Variants in XRCC2 observed in about 807,000 individuals in gnomAD.
XRCC2 encodes DNA repair protein XRCC2.
In XRCC2, 24 loss-of-function variants were observed where a neutral mutation model predicts 27.3. The observed-to-expected ratio is 0.88, with a 90% confidence interval of 0.64 to 1.24. The LOEUF is 1.24. Ranked by LOEUF, XRCC2 falls within the 50% of genes most tolerant of loss-of-function variation. The pLI is 0.00. For missense variants in XRCC2, 321 were observed against 325.8 expected, an observed-to-expected ratio of 0.99 and a Z score of 0.11; for synonymous variants, 106 against 115.4, an observed-to-expected ratio of 0.92 and a Z score of 0.52.
intron 2 of XRCC2, among the ~76,000 whole-genome samples, chr7:152,656,263 C>A (rs2098030671): frequency 1.3e-5 from 2 of 152,250 alleles, no homozygotes; most frequent in South Asian, 2.1e-4. Context: ...GTGGCTCACA[C>A]CTGTAATCCC....
intron 2 of XRCC2, among the ~76,000 whole-genome samples, chr7:152,651,654 C>T (rs2098028582): frequency 1.3e-5 from 2 of 151,968 alleles, no homozygotes; most frequent in African/African-American, 4.8e-5. Flanking sequence ...GTTGGGACTA[C>T]AGGCATGTGT....
intron 2 of XRCC2, among the ~76,000 whole-genome samples, chr7:152,655,810 A>AG (rs1386684460): frequency 1.4e-4 from 21 of 152,148 alleles, no homozygotes; most frequent in African/African-American, 4.8e-4. Context: ...CAGGAGTTCA[A>AG]GACCAGCCTG....
rs55771537 is a variant in XRCC2, at chr7:152,675,850, G to A, written c.39+191C>T. Reference sequence around the variant, plus strand: ...TCGGAGGACTCCAGGCTGCCCAGGGGCGGACCCCTGGGGCCCAGGTGAGAG... The same window carrying A: ...TCGGAGGACTCCAGGCTGCCCAGGGACGGACCCCTGGGGCCCAGGTGAGAG... On this transcript the variant is annotated intron_variant, in intron 1 of 2. Transcript: ENST00000359321. Among the ~76,000 whole-genome samples the A allele has an allele frequency of 3.8e-3, 579 of 152,180 alleles. 5 individuals are homozygous for A. Among genetic ancestry groups the A allele is most frequent in the African/African-American group, 0.013 (541 of 41,554 alleles).
At position 152,676,026 on chromosome 7, in the gene XRCC2, C is replaced by G. The variant is rs767382184; in HGVS notation, c.39+15G>C. 6 of 1,613,698 alleles carry G rather than the reference C, an allele frequency of 3.7e-6. No individual in the cohort carries two copies. Among genetic ancestry groups the G allele is most frequent in the Non-Finnish European group, 5.1e-6 (6 of 1,179,788 alleles). ...TTGTTCCCATCTCCCTCACTCCCAA[C>G]CCGGCGGCTCTCACCTCGGTCCCAG... On this transcript the variant is annotated intron_variant, in intron 1 of 2. Transcript: ENST00000359321.
intron 1 of XRCC2, chr7:152,663,845 C>CA (rs1554412049): frequency 9.3e-6 from 1 of 107,728 alleles, no homozygotes; most frequent in Non-Finnish European, 2.2e-5. Flanking sequence ...TCCCCCTGCC[C>CA]CCCCCCCCCA....
intron 1 of XRCC2, among the ~76,000 whole-genome samples, chr7:152,673,095 T>C (rs568184599): frequency 6.6e-6 from 1 of 152,318 alleles, no homozygotes; most frequent in East Asian, 1.9e-4. Context: ...TGTAGTCAAA[T>C]GCTTGTCTTT....
intron 2 of XRCC2, among the ~76,000 whole-genome samples, chr7:152,659,301 C>A (rs1157837858): frequency 6.6e-6 from 1 of 152,052 alleles, no homozygotes; most frequent in Non-Finnish European, 1.5e-5. Context: ...AATGATAAAA[C>A]TCAGGAGAGA....
intron 1 of XRCC2, among the ~76,000 whole-genome samples, chr7:152,669,394 T>G (rs1308265501): frequency 1.3e-5 from 2 of 152,072 alleles, no homozygotes; most frequent in Non-Finnish European, 2.9e-5. Flanking sequence ...AAAGAGATAA[T>G]GCTCAATTAT....
intron 1 of XRCC2, among the ~76,000 whole-genome samples, chr7:152,661,606 T>C (rs1201796732): frequency 6.6e-6 from 1 of 152,100 alleles, no homozygotes; most frequent in African/African-American, 2.4e-5. Flanking sequence ...AGGTTATAAA[T>C]AGCATTGTGC....
chr7:152,671,382 T>A (rs920869166), intron 1 of XRCC2, among the ~76,000 whole-genome samples: 19 of 152,030 alleles, frequency 1.2e-4, no homozygotes, highest in Non-Finnish European at 2.5e-4. Flanking sequence ...TTAATATGTA[T>A]CTCCTAAGCA....
rs777085483 is a variant in XRCC2 at position 152,660,770 on chromosome 7, G to A, written c.52C>T (p.Leu18Phe). ...TCTTTCAAGGAACTTCTACCTTCAA[G>A]TCGGGCAAGGAGCTTATAAAAGAAG... Reference protein sequence around the residue: ...AESGTELLARLEGRSSLKEIE... With the variant: ...AESGTELLARFEGRSSLKEIE... Residue 18 changes from leucine to phenylalanine, a missense_variant, in exon 2 of 3, where the codon CTT becomes TTT. Transcript: ENST00000359321. 2.5e-6 allele frequency: 4 copies of A among 1,612,602 alleles called. No homozygotes were observed. The South Asian group carries it at 3.3e-5, about 13-fold the overall frequency.
At chr7:152,670,537 A>C (rs924789205) in intron 1 of XRCC2, among the ~76,000 whole-genome samples, 11 of 152,208 alleles carry the variant, frequency 7.2e-5, no homozygotes, top group African/African-American at 2.7e-4. Context: ...ATCAAGGTAC[A>C]AACAAAACAT....
Position 152,669,564 on chromosome 7 carries a change from G to A in XRCC2, c.39+6477C>T, listed in dbSNP as rs1331739622. ...ATTACAGGCGCCCACCACCAAACCC[G>A]GCTATTTTTTCTATTTTTAGTAGAG... On this transcript the variant is annotated intron_variant, in intron 1 of 2. Coordinates refer to ENST00000359321, the MANE Select transcript of XRCC2 (RefSeq NM_005431.2). Among the ~76,000 whole-genome samples, 7 of 151,774 alleles carry A rather than the reference G, an allele frequency of 4.6e-5. No individual in the cohort carries two copies. The East Asian group carries it at 1.2e-3, about 26-fold the overall frequency.
chr7:152,664,682 G>A (rs2098034817), intron 1 of XRCC2, among the ~76,000 whole-genome samples: 2 of 152,146 alleles, frequency 1.3e-5, no homozygotes. Context: ...CTTGCAGATG[G>A]TGTGTCTGGG....
At chr7:152,657,849 A>G (rs888758275) in intron 2 of XRCC2, among the ~76,000 whole-genome samples, 1 of 152,242 alleles carries the variant, frequency 6.6e-6, no homozygotes, top group African/African-American at 2.4e-5. Context: ...AAAATGGTAC[A>G]TTAGAAAATA....
intron 2 of XRCC2, among the ~76,000 whole-genome samples, chr7:152,653,194 A>G (rs901059930): frequency 6.6e-6 from 1 of 151,742 alleles, no homozygotes; most frequent in Admixed American, 6.6e-5. Flanking sequence ...ATAAGGGAGA[A>G]TTTTCCTGTA....
chr7:152,658,498 A>T (rs2098031702), intron 2 of XRCC2, among the ~76,000 whole-genome samples: 1 of 152,224 alleles, frequency 6.6e-6, no homozygotes, highest in African/African-American at 2.4e-5. Flanking sequence ...TGTGAAGTAC[A>T]TTGACATTGC....
rs3218472 is a variant in XRCC2 at position 152,660,792 on chromosome 7, G to A, written c.40-10C>T. 4.8e-3 allele frequency: 7,643 copies of A among 1,592,286 alleles called. 44 individuals are homozygous for A. Among genetic ancestry groups the A allele is most frequent in the African/African-American group, 0.023 (1,673 of 74,024 alleles). ...CAAGTCGGGCAAGGAGCTTATAAAA[G>A]AAGAGAGAAGGAAAACTCATTATTT... On this transcript the variant is annotated splice_polypyrimidine_tract_variant and intron_variant, in intron 1 of 2. Coordinates refer to ENST00000359321, the MANE Select transcript of XRCC2 (RefSeq NM_005431.2).
chr7:152,654,815 A>T (rs1189173785), intron 2 of XRCC2, among the ~76,000 whole-genome samples: 3 of 152,232 alleles, frequency 2.0e-5, no homozygotes, highest in Non-Finnish European at 2.9e-5. Flanking sequence ...GGCTTTTATA[A>T]CAACCGGGAA....
Sources: gnomAD v4.1 joint callset for allele counts (sites outside exome capture counted in the v4.1 genomes callset) on GRCh38, gnomAD v4.1.1 for gene constraint, MANE v1.5 for transcripts, NCBI Gene and HGNC (gene_info 2026-07-23, HGNC 2026-07-21) for gene names.